PDSS2: variants seen among roughly 807,000 people sequenced by gnomAD.
PDSS2 encodes decaprenyl diphosphate synthase subunit 2, also known as all trans-polyprenyl-diphosphate synthase PDSS2.
Under a neutral mutation model 44.5 loss-of-function variants are expected in PDSS2, and 31 were observed. That is an observed-to-expected ratio of 0.70 (90% CI 0.52 to 0.94). PDSS2 has a LOEUF of 0.94. Among genes scored for constraint, PDSS2 ranks in the 40% least tolerant of loss-of-function variants. The probability of loss-of-function intolerance (pLI) is 0.00; values close to 1 mark genes in which losing one functional copy is unlikely to be tolerated. For synonymous variants in PDSS2, 157 were observed against 180.3 expected (o/e 0.87, Z 1.03); for missense variants, 452 against 482.2 (o/e 0.94, Z 0.59).
At chr6:107,377,405 TG>T (rs1189896250) in intron 1 of PDSS2, among the ~76,000 whole-genome samples, 2 of 152,122 alleles carry the variant, frequency 1.3e-5, no homozygotes, top group Non-Finnish European at 2.9e-5. Flanking sequence ...GGAGAGGATG[TG>T]GAGAAACAGG....
chr6:107,156,733 C>A (rs964081145), intron 7 of PDSS2, among the ~76,000 whole-genome samples: 36 of 152,176 alleles, frequency 2.4e-4, no homozygotes, highest in African/African-American at 7.7e-4. Context: ...CAGCTACCAG[C>A]CCACACTGGA....
chr6:107,183,207 T>TAA (rs5878908), intron 7 of PDSS2, among the ~76,000 whole-genome samples: 1 of 136,308 alleles, frequency 7.3e-6, no homozygotes. Flanking sequence ...CAAGACTGTC[T>TAA]AAAAAAAAAA....
intron 1 of PDSS2, among the ~76,000 whole-genome samples, chr6:107,418,836 G>A (rs319088): frequency 0.38 from 57,219 of 151,988 alleles, 13,280 homozygotes; most frequent in Middle Eastern, 0.64. Context: ...CACTAGCTTC[G>A]TGATCATTTG....
intron 1 of PDSS2, among the ~76,000 whole-genome samples, chr6:107,387,167 GA>G (rs1001603375): frequency 4.6e-5 from 7 of 152,144 alleles, no homozygotes; most frequent in African/African-American, 1.4e-4. Flanking sequence ...TTGACATCTG[GA>G]AAGTTCATTG....
chr6:107,439,829 T>G (rs1035295087), intron 1 of PDSS2, among the ~76,000 whole-genome samples: 3 of 152,050 alleles, frequency 2.0e-5, no homozygotes, highest in Admixed American at 6.6e-5. Context: ...CAAGGTAGTT[T>G]GGGAAAGGAA....
chr6:107,418,342 G>A (rs1780727461), intron 1 of PDSS2, among the ~76,000 whole-genome samples: 1 of 152,282 alleles, frequency 6.6e-6, no homozygotes, highest in Non-Finnish European at 1.5e-5. Flanking sequence ...GCCTCTAGTG[G>A]TTGAAAAAGG....
intron 1 of PDSS2, among the ~76,000 whole-genome samples, chr6:107,363,055 T>C (rs1778830316): frequency 6.6e-6 from 1 of 151,996 alleles, no homozygotes; most frequent in Non-Finnish European, 1.5e-5. Context: ...AGCATACTAA[T>C]AAAGGTGTCA....
chr6:107,163,990 A>T (rs1554247133), intron 7 of PDSS2, among the ~76,000 whole-genome samples: 1 of 152,138 alleles, frequency 6.6e-6, no homozygotes, highest in African/African-American at 2.4e-5. Flanking sequence ...CATGTGGGGA[A>T]CTTTAAAATG....
At chr6:107,229,486 C>T (rs1279493853) in intron 4 of PDSS2, among the ~76,000 whole-genome samples, 4 of 152,128 alleles carry the variant, frequency 2.6e-5, no homozygotes, top group Admixed American at 2.6e-4. Context: ...CCCGGCCTCA[C>T]TTTTCCTATT....
At chr6:107,296,858 C>T (rs1215933902) in intron 2 of PDSS2, among the ~76,000 whole-genome samples, 4 of 152,010 alleles carry the variant, frequency 2.6e-5, no homozygotes. Context: ...TTGAAGAATG[C>T]CTGGTTTAAA....
intron 1 of PDSS2, among the ~76,000 whole-genome samples, chr6:107,419,111 C>T (rs1235981293): frequency 1.3e-5 from 2 of 151,806 alleles, no homozygotes; most frequent in African/African-American, 4.8e-5. Flanking sequence ...TTTTGTGAGG[C>T]TCAAATATCA....
At position 107,190,993 on chromosome 6, in the gene PDSS2, A is replaced by G. The variant is rs900836821; in HGVS notation, c.1041+2829T>C. On this transcript the variant is annotated intron_variant, in intron 7 of 7. Transcript: ENST00000369037. Reference sequence around the variant, plus strand: ...TGCAAGCTCCGCCTCCTGGGTTCACACCATTCTCCTGCCTCAGCCTCCCAA... The same window carrying G: ...TGCAAGCTCCGCCTCCTGGGTTCACGCCATTCTCCTGCCTCAGCCTCCCAA... 2.5e-4 allele frequency among the ~76,000 whole-genome samples: 38 copies of G among 151,910 alleles called. 2 individuals are homozygous for G. The highest frequency in any genetic ancestry group is 8.7e-4 in the African/African-American group (36 of 41,424).
At chr6:107,281,872 A>G (rs1042386904) in intron 2 of PDSS2, among the ~76,000 whole-genome samples, 2 of 152,108 alleles carry the variant, frequency 1.3e-5, no homozygotes, top group African/African-American at 4.8e-5. Context: ...AATATCTGTT[A>G]AATGAACAAC....
intron 3 of PDSS2, among the ~76,000 whole-genome samples, chr6:107,250,559 G>T (rs375357254): frequency 6.6e-5 from 10 of 152,222 alleles, no homozygotes; most frequent in African/African-American, 1.9e-4. Flanking sequence ...AGGGTGTTGG[G>T]GGGGGAAGCA....
chr6:107,458,923 G>A, intron 1 of PDSS2, 67 bp downstream of exon 1: 1 of 1,429,110 alleles, frequency 7.0e-7, no homozygotes, highest in Non-Finnish European at 9.8e-7. Context: ...GCTAGAATGC[G>A]TATGCCCGCC....
chr6:107,191,284 G>A (rs879687154), intron 7 of PDSS2, among the ~76,000 whole-genome samples: 6 of 152,204 alleles, frequency 3.9e-5, no homozygotes, highest in Non-Finnish European at 5.9e-5. Context: ...GGGGACAAAA[G>A]AGAGGCAGTG....
chr6:107,312,039 A>C (rs1056549907), intron 2 of PDSS2, among the ~76,000 whole-genome samples: 4 of 152,222 alleles, frequency 2.6e-5, no homozygotes, highest in Non-Finnish European at 4.4e-5. Context: ...GCAGAACTGT[A>C]TCTTAAGTGA....
At chr6:107,409,982 CA>C (rs1378261134) in intron 1 of PDSS2, among the ~76,000 whole-genome samples, 4 of 152,026 alleles carry the variant, frequency 2.6e-5, no homozygotes, top group Non-Finnish European at 5.9e-5. Context: ...TTTAACTAGG[CA>C]AAGTCTCCAG....
At chr6:107,192,638 T>C (rs1772419573) in intron 7 of PDSS2, 1 of 203,406 alleles carries the variant, frequency 4.9e-6, no homozygotes, top group Non-Finnish European at 1.0e-5. Context: ...AAGAACTTTT[T>C]AGAAACACTC....
Sources: allele counts gnomAD v4.1 joint callset (sites outside exome capture counted in the v4.1 genomes callset), GRCh38; gene constraint gnomAD v4.1.1; transcripts MANE v1.5; gene names NCBI Gene and HGNC (gene_info 2026-07-23, HGNC 2026-07-21).